The following NPC1L1 variants were observed in gnomAD, a reference collection of about 807,000 sequenced individuals.
The protein encoded by NPC1L1 is NPC1-like intracellular cholesterol transporter 1.
In NPC1L1, 98 loss-of-function variants were observed where a neutral mutation model predicts 117.0. That is an observed-to-expected ratio of 0.84 (90% CI 0.71 to 0.99). The LOEUF is 0.99. Among genes scored for constraint, NPC1L1 ranks in the 50% least tolerant of loss-of-function variants. The pLI, the probability that NPC1L1 is intolerant of heterozygous loss-of-function variation, is 0.00. For missense variants in NPC1L1, 1,540 were observed against 1,710.0 expected (o/e 0.90, Z 1.75); for synonymous variants, 729 against 727.6 (o/e 1.00, Z -0.03).
In NPC1L1 at chr7:44,539,241, G is replaced by C; in HGVS notation, c.1156C>G (p.Pro386Ala). The C allele has an allele frequency of 6.2e-7, 1 of 1,614,098 alleles. No individual in the cohort carries two copies. Among genetic ancestry groups the C allele is most frequent in the East Asian group, 2.2e-5 (1 of 44,884 alleles). ...TTDPVELWSA[P>A]NSQARSEKAF... ...TTCTCACTCCGGGCTTGGCTGTTGG[G>C]GGCCGACCACAGCTCCACGGGGTCC... The change falls in exon 2 of 19, where the codon CCC becomes GCC. Residue 386 changes from proline to alanine, a missense_variant. Transcript: ENST00000381160. This position sits in a 1 kb window ranked among gnomAD's most constrained non-coding sequence, Gnocchi z 4.4.
Position 44,540,077 on chromosome 7 carries a change from T to C in NPC1L1, c.320A>G (p.Lys107Arg). 6.2e-7 allele frequency: 1 copy of C among 1,614,182 alleles called. No individual in the cohort carries two copies. Among genetic ancestry groups the C allele is most frequent in the Non-Finnish European group, 8.5e-7 (1 of 1,180,028 alleles). The change falls in exon 2 of 19, where the codon AAG becomes AGG. Residue 107 changes from lysine to arginine, a missense_variant. Physicochemically the swap from Lys to Arg is conservative, Grantham distance 26. Coordinates refer to ENST00000381160, the MANE Select transcript of NPC1L1 (RefSeq NM_001101648.2). ...GGCTGGGCAGCGGGTGAGGAGGGCC[T>C]TGGTGATCGACAGACTCGCTTCCAG... ...VSLEASLSIT[K>R]ALLTRCPACS...
rs1164222541 is a variant in NPC1L1, at chr7:44,534,653, C to T, written c.1984-24G>A. On this transcript the variant is annotated intron_variant, in intron 5 of 18. Coordinates refer to ENST00000381160, the MANE Select transcript of NPC1L1 (RefSeq NM_001101648.2). This position sits in a 1 kb window ranked among gnomAD's most constrained non-coding sequence, Gnocchi z 5.2. ...ACCTGCAATGCAAACAGGCTCAGCC[C>T]CCTAGCCACTTAGCACCTACCCAGT... 1.4e-5 allele frequency: 23 copies of T among 1,612,912 alleles called. No homozygotes were observed. Among genetic ancestry groups the T allele is most frequent in the Non-Finnish European group, 1.9e-5 (23 of 1,179,778 alleles).
chr7:44,522,819 C>A (rs1477619645), intron 10 of NPC1L1, among the ~76,000 whole-genome samples: 1 of 151,296 alleles, frequency 6.6e-6, no homozygotes, highest in Non-Finnish European at 1.5e-5. Flanking sequence ...CTTCCTATCA[C>A]CCCCAATATG....
intron 13 of NPC1L1, 41 bp from the exon 14 acceptor site, chr7:44,520,861 C>T (rs770103427): frequency 2.5e-6 from 4 of 1,613,510 alleles, no homozygotes; most frequent in East Asian, 4.5e-5. Context: ...AGGGACGAAG[C>T]TTCTTTCATC....
chr7:44,538,901 G>A lies in NPC1L1; in HGVS notation c.1496C>T (p.Thr499Met), dbSNP rs35803101. Residue 499 changes from threonine to methionine, a missense_variant, in exon 2 of 19, where the codon ACG becomes ATG. Transcript: ENST00000381160. This position sits in a 1 kb window ranked among gnomAD's most constrained non-coding sequence, Gnocchi z 5.9. ...SLLQYFQNNRTLLLLTANQTL... is the reference protein window; with the variant it reads ...SLLQYFQNNRMLLLLTANQTL... ...CTGGTTGGCTGTGAGCAGCAGGAGC[G>A]TGCGGTTGTTCTGGAAATACTGCAG... 5,285 of 1,614,220 alleles carry A rather than the reference G, an allele frequency of 3.3e-3. 12 individuals are homozygous for A. The highest frequency in any genetic ancestry group is 4.0e-3 in the Non-Finnish European group (4,725 of 1,180,016).
chr7:44,540,725 G>A (rs954605346), intron 1 of NPC1L1, among the ~76,000 whole-genome samples: 6 of 151,852 alleles, frequency 4.0e-5, no homozygotes, highest in African/African-American at 7.3e-5. Context: ...GAGGCCCCCC[G>A]ACTCCCACCA....
rs751737534 is a variant in NPC1L1, at chr7:44,539,509, AG to A, written c.887del (p.Ala296ValfsTer58). The A allele has an allele frequency of 9.3e-6, 15 of 1,613,466 alleles. No individual in the cohort carries two copies. Among genetic ancestry groups the A allele is most frequent in the Admixed American group, 1.7e-5 (1 of 59,994 alleles). On this transcript the variant is annotated frameshift_variant, in exon 2 of 19. Coordinates refer to ENST00000381160, the MANE Select transcript of NPC1L1 (RefSeq NM_001101648.2). LOFTEE classifies it high-confidence loss of function. This position sits in a 1 kb window ranked among gnomAD's most constrained non-coding sequence, Gnocchi z 4.4. ...ATCCCACAAGCAGGATGGTGACCAC[AG>A]CGAAGACAGAGCAGAGGATGATGAT... ...VLIIILCSVF[A>X]VVTILLVGFR...
Position 44,515,929 on chromosome 7 carries a change from T to C in NPC1L1, c.3670A>G (p.Ile1224Val). 1.9e-6 allele frequency: 3 copies of C among 1,614,066 alleles called. No individual in the cohort carries two copies. The highest frequency in any genetic ancestry group is 2.5e-6 in the Non-Finnish European group (3 of 1,180,000). The stretch of plus-strand genomic sequence containing the variant: ...GCCTTGGCGAGGCCCAGGACAAGGA[T>C]GCCAGGCAGGTTGGTCATGGCCACA... ...AGVAMTNLPG[I>V]LVLGLAKAQL... The change falls in exon 18 of 19, where the codon ATC becomes GTC. Residue 1224 changes from isoleucine (I) to valine (V), a missense_variant. By Grantham distance (29) the Ile-to-Val change is conservative. Coordinates refer to ENST00000381160, the MANE Select transcript of NPC1L1 (RefSeq NM_001101648.2).
intron 10 of NPC1L1, among the ~76,000 whole-genome samples, chr7:44,528,870 G>T (rs184278487): frequency 2.0e-5 from 3 of 151,738 alleles, no homozygotes; most frequent in Non-Finnish European, 2.9e-5. Context: ...GGAGTTTGAG[G>T]CCAGCCTGGC....
At chr7:44,537,789 C>T (rs962318222) in intron 2 of NPC1L1, among the ~76,000 whole-genome samples, 6 of 152,172 alleles carry the variant, frequency 3.9e-5, no homozygotes, top group African/African-American at 9.7e-5. Flanking sequence ...ATAAAGCTAC[C>T]GTCAGACATG....
chr7:44,540,100 C>T lies in NPC1L1; in HGVS notation c.297G>A (p.Leu99=). ...CCTTGGTGATCGACAGACTCGCTTC[C>T]AGTGATACCAGCTGCTTGGCGGAGC... ...ACCSAKQLVS[L]EASLSITKAL... Residue 99 remains leucine (L), a synonymous_variant, in exon 2 of 19, where the codon CTG becomes CTA. Transcript: ENST00000381160. 1.2e-6 allele frequency: 2 copies of T among 1,614,138 alleles called. No individual in the cohort carries two copies. Among genetic ancestry groups the T allele is most frequent in the Non-Finnish European group, 1.7e-6 (2 of 1,180,020 alleles).
Position 44,541,274 on chromosome 7 carries a change from G to A in NPC1L1, c.-15C>T. The A allele has an allele frequency of 3.2e-6, 5 of 1,549,494 alleles. No homozygotes were observed. The highest frequency in any genetic ancestry group is 4.4e-6 in the Non-Finnish European group (5 of 1,146,628). On this transcript the variant is annotated 5_prime_UTR_variant, in exon 1 of 19. Transcript: ENST00000381160. ...GCCTCCGCCATCCCAGGTCTGGGAA[G>A]GGGTCAGCGGGGAGCCAGGCCAGGC...
Position 44,538,445 on chromosome 7 carries a change from C to T in NPC1L1, c.1580+372G>A, listed in dbSNP as rs1262700864. 6.6e-6 allele frequency among the ~76,000 whole-genome samples: 1 copy of T among 152,244 alleles called. No homozygotes were observed. The highest frequency in any genetic ancestry group is 2.4e-5 in the African/African-American group (1 of 41,462). On this transcript the variant is annotated intron_variant, in intron 2 of 18. Transcript: ENST00000381160. The surrounding 1 kb of genome is among the most constrained non-coding windows in gnomAD (Gnocchi z 5.9). Reference sequence around the variant, plus strand: ...GGCCCTACGGCCCCTGGCACAGAAACAAGAAGCAAAACATAGCAAATATAA... The same window carrying T: ...GGCCCTACGGCCCCTGGCACAGAAATAAGAAGCAAAACATAGCAAATATAA...
Position 44,521,008 on chromosome 7 carries a change from T to C in NPC1L1, c.3064A>G (p.Ile1022Val), listed in dbSNP as rs1348225420. Reference sequence around the variant, plus strand: ...CAAGCTTACCCTTTGGGACATTTGATGTTGGGCCGGTCGTTCAGGAACCAG... The same window carrying C: ...CAAGCTTACCCTTTGGGACATTTGACGTTGGGCCGGTCGTTCAGGAACCAG... Reference protein sequence around the residue: ...LPWFLNDRPNIKCPKGGLAAY... With the variant: ...LPWFLNDRPNVKCPKGGLAAY... Residue 1022 changes from isoleucine to valine, a missense_variant, in exon 13 of 19, where the codon ATC becomes GTC. Ile to Val is a conservative substitution (Grantham distance 29). Transcript: ENST00000381160. 5 of 1,614,040 alleles carry C rather than the reference T, an allele frequency of 3.1e-6. No homozygotes were observed. The highest frequency in any genetic ancestry group is 2.2e-5 in the East Asian group (1 of 44,890).
intron 10 of NPC1L1, 27 bp from the exon 11 acceptor site, chr7:44,522,269 T>C: frequency 6.2e-7 from 1 of 1,602,084 alleles, no homozygotes; most frequent in Non-Finnish European, 8.5e-7. Flanking sequence ...GTCAGTGAGC[T>C]TTGGTTCGCT....
rs745979105 is a variant in NPC1L1, at chr7:44,534,612, C to A, written c.2001G>T (p.Thr667=). The A allele has an allele frequency of 6.2e-7, 1 of 1,614,018 alleles. No individual in the cohort carries two copies. The highest frequency in any genetic ancestry group is 1.7e-5 in the Admixed American group (1 of 60,014). Residue 667 remains threonine (T), a synonymous_variant, in exon 6 of 19, where the codon ACG becomes ACT. Transcript: ENST00000381160. This position sits in a 1 kb window ranked among gnomAD's most constrained non-coding sequence, Gnocchi z 5.2. ...CCACGGCCACCCCGCCGAGGCCCAG[C>A]GTGGCCTTGGAGTCCACCTGCAATG... ...WSRVMVDSKA[T]LGLGGVAVVL...
chr7:44,536,181 C>G lies in NPC1L1; in HGVS notation c.1854+75G>C. The G allele has an allele frequency of 6.2e-7, 1 of 1,603,216 alleles. No individual in the cohort carries two copies. Among genetic ancestry groups the G allele is most frequent in the Non-Finnish European group, 8.5e-7 (1 of 1,172,122 alleles). Reference sequence around the variant, plus strand: ...AGGGTCACTTAGGAAGGGCCAGGGCCAGGATGGGGACACAGGAACTGACCC... The same window carrying G: ...AGGGTCACTTAGGAAGGGCCAGGGCGAGGATGGGGACACAGGAACTGACCC... On this transcript the variant is annotated intron_variant, in intron 4 of 18. Coordinates refer to ENST00000381160, the MANE Select transcript of NPC1L1 (RefSeq NM_001101648.2). The surrounding 1 kb of genome is among the most constrained non-coding windows in gnomAD (Gnocchi z 4.7).
intron 18 of NPC1L1, 100 bp downstream of exon 18, chr7:44,515,703 G>T: frequency 1.4e-6 from 2 of 1,439,454 alleles, no homozygotes; most frequent in Non-Finnish European, 9.8e-7. Flanking sequence ...TCTGCCCATG[G>T]CTCGTTTGCA....
chr7:44,521,965 A>G, intron 11 of NPC1L1, 87 bp downstream of exon 11: 2 of 1,594,174 alleles, frequency 1.3e-6, no homozygotes, highest in Non-Finnish European at 1.7e-6. Context: ...CAGGACAGGG[A>G]TAGAACATCA....
Sources: gnomAD v4.1 joint callset for allele counts (sites outside exome capture counted in the v4.1 genomes callset) on GRCh38, gnomAD v4.1.1 for gene constraint, Gnocchi (gnomAD v3.1) non-coding constraint, MANE v1.5 for transcripts, NCBI Gene and HGNC (gene_info 2026-07-23, HGNC 2026-07-21) for gene names.